DLG2: variants seen among roughly 807,000 people sequenced by gnomAD.
DLG2 encodes disks large homolog 2.
Under a neutral mutation model 132.5 loss-of-function variants are expected in DLG2, and 45 were observed. The observed-to-expected ratio is 0.34, with a 90% CI of 0.27 to 0.44. The LOEUF is 0.44. Among genes scored for constraint, DLG2 ranks in the 20% least tolerant of loss-of-function variants. The pLI is 1.00. For synonymous variants in DLG2, 424 were observed against 419.6 expected, an observed-to-expected ratio of 1.01 and a Z score of -0.13; for missense variants, 1,045 against 1,196.9, an observed-to-expected ratio of 0.87 and a Z score of 1.87.
At chr11:84,351,158 A>C (rs2098566519) in intron 7 of DLG2, among the ~76,000 whole-genome samples, 1 of 152,190 alleles carries the variant, frequency 6.6e-6, no homozygotes, top group Non-Finnish European at 1.5e-5. Flanking sequence ...ATCTTACAGG[A>C]ATTGTAAATA....
intron 6 of DLG2, among the ~76,000 whole-genome samples, chr11:84,765,179 C>G (rs576220700): frequency 6.6e-6 from 1 of 152,144 alleles, no homozygotes; most frequent in South Asian, 2.1e-4. Context: ...GTTTTTGGAT[C>G]CTCCATAATG....
At chr11:84,441,093 T>C (rs1231147724) in intron 7 of DLG2, among the ~76,000 whole-genome samples, 1 of 151,788 alleles carries the variant, frequency 6.6e-6, no homozygotes, top group Non-Finnish European at 1.5e-5. Context: ...ATTTGATATG[T>C]ATATTTGATA....
intron 10 of DLG2, among the ~76,000 whole-genome samples, chr11:84,076,305 A>C (rs749493896): frequency 6.6e-6 from 1 of 152,216 alleles, no homozygotes; most frequent in Non-Finnish European, 1.5e-5. Context: ...AGAAAGCCAA[A>C]CATGAAATCA....
chr11:85,240,429 A>T (rs58672719), intron 4 of DLG2, among the ~76,000 whole-genome samples: 2,960 of 151,910 alleles, frequency 0.019, 84 homozygotes, highest in African/African-American at 0.066. Context: ...TTATGTTTTA[A>T]AGTCAAATAT....
At chr11:84,572,875 C>T (rs904857612) in intron 6 of DLG2, among the ~76,000 whole-genome samples, 3 of 152,100 alleles carry the variant, frequency 2.0e-5, no homozygotes, top group Non-Finnish European at 4.4e-5. Context: ...CTCTGTGTTT[C>T]CTCCATGGGA....
At chr11:83,861,999 A>T (rs1412946601) in intron 16 of DLG2, among the ~76,000 whole-genome samples, 1 of 152,140 alleles carries the variant, frequency 6.6e-6, no homozygotes, top group Non-Finnish European at 1.5e-5. Context: ...AAATATATAC[A>T]CTTATTTTGT....
At chr11:85,374,113 A>G (rs1378216278) in intron 3 of DLG2, among the ~76,000 whole-genome samples, 9 of 152,194 alleles carry the variant, frequency 5.9e-5, no homozygotes, top group Non-Finnish European at 1.3e-4. Flanking sequence ...GCAAGGAATT[A>G]TATGAAAAAA....
intron 9 of DLG2, among the ~76,000 whole-genome samples, chr11:84,115,115 A>G (rs934799722): frequency 5.3e-5 from 8 of 152,282 alleles, no homozygotes; most frequent in Admixed American, 3.3e-4. Flanking sequence ...GTTTTACACA[A>G]CTTTATTTGT....
chr11:83,873,599 T>C (rs61900047), intron 16 of DLG2, among the ~76,000 whole-genome samples: 14,764 of 152,302 alleles, frequency 0.097, 851 homozygotes, highest in Middle Eastern at 0.2. Context: ...CTTTCTTTTG[T>C]TAATTGCTCA....
At chr11:84,829,863 G>C (rs1335570511) in intron 6 of DLG2, among the ~76,000 whole-genome samples, 2 of 151,486 alleles carry the variant, frequency 1.3e-5, no homozygotes, top group Non-Finnish European at 3.0e-5. Flanking sequence ...AAAATAAATA[G>C]AATAGAATAG....
At chr11:84,358,235 G>C (rs889749572) in intron 7 of DLG2, among the ~76,000 whole-genome samples, 2 of 151,858 alleles carry the variant, frequency 1.3e-5, no homozygotes, top group Admixed American at 6.6e-5. Flanking sequence ...AAAGCTGACT[G>C]TGGCATTTTA....
At chr11:85,123,219 CG>C (rs2074640959) in intron 5 of DLG2, among the ~76,000 whole-genome samples, 1 of 151,598 alleles carries the variant, frequency 6.6e-6, no homozygotes, top group South Asian at 2.1e-4. Flanking sequence ...CCTCGTGATC[CG>C]CCCGCCTCGG....
chr11:85,493,629 C>T lies in DLG2; in HGVS notation c.40+105028G>A, dbSNP rs2093610146. ...GAGGTGCAGCGAGCTATGATTGTGC[C>T]CCTGCACTGCAGCCTGGGCAACAGA... On this transcript the variant is annotated intron_variant, in intron 3 of 27. Coordinates refer to ENST00000376104, the MANE Select transcript of DLG2 (RefSeq NM_001142699.3). Among the ~76,000 whole-genome samples, 3 of 151,720 alleles carry T rather than the reference C, an allele frequency of 2.0e-5. No individual in the cohort carries two copies. The South Asian group carries it at 6.3e-4, about 32-fold the overall frequency.
chr11:83,613,332 G>A (rs117594267), intron 19 of DLG2, among the ~76,000 whole-genome samples: 3,077 of 152,186 alleles, frequency 0.02, 39 homozygotes, highest in East Asian at 0.031. Flanking sequence ...ACACATATGC[G>A]CACACTCAAA....
chr11:84,670,795 A>C (rs1046472103), intron 6 of DLG2, among the ~76,000 whole-genome samples: 1 of 151,828 alleles, frequency 6.6e-6, no homozygotes, highest in African/African-American at 2.4e-5. Context: ...TATCGCTCCC[A>C]CCCCTAATAT....
chr11:85,408,371 A>C (rs2088969726), intron 3 of DLG2, among the ~76,000 whole-genome samples: 1 of 150,642 alleles, frequency 6.6e-6, no homozygotes, highest in Admixed American at 6.6e-5. Flanking sequence ...TTCTATTGTA[A>C]ATTGTTTTGT....
At chr11:84,442,536 G>C (rs547645383) in intron 7 of DLG2, among the ~76,000 whole-genome samples, 1 of 151,996 alleles carries the variant, frequency 6.6e-6, no homozygotes, top group Admixed American at 6.6e-5. Context: ...CAGTGGGTGC[G>C]GGAGGCTAGG....
At chr11:83,602,724 T>C (rs2058744090) in intron 19 of DLG2, among the ~76,000 whole-genome samples, 1 of 152,180 alleles carries the variant, frequency 6.6e-6, no homozygotes, top group Admixed American at 6.5e-5. Flanking sequence ...ACCTGCCTCA[T>C]AGTGGTATAG....
At chr11:84,771,690 C>T (rs1377576098) in intron 6 of DLG2, among the ~76,000 whole-genome samples, 1 of 152,090 alleles carries the variant, frequency 6.6e-6, no homozygotes, top group East Asian at 1.9e-4. Flanking sequence ...CACAAAGACA[C>T]ACCAAAATAT....
Sources: allele counts gnomAD v4.1 joint callset (sites outside exome capture counted in the v4.1 genomes callset), GRCh38; gene constraint gnomAD v4.1.1; transcripts MANE v1.5; gene names NCBI Gene and HGNC (gene_info 2026-07-23, HGNC 2026-07-21).